Variants in GRK4 observed in about 807,000 individuals in gnomAD.
GRK4 encodes G protein-coupled receptor kinase 2-like.
In GRK4, 73 loss-of-function variants were observed where a neutral mutation model predicts 77.9. That is an observed-to-expected ratio of 0.94 (90% CI 0.78 to 1.14). GRK4 has a LOEUF of 1.14. Ranked by LOEUF, GRK4 falls within the 50% of genes most tolerant of loss-of-function variation. The probability of loss-of-function intolerance (pLI) is 0.00; values close to 1 mark genes in which losing one functional copy is unlikely to be tolerated. For synonymous variants in GRK4, 257 were observed against 254.4 expected (o/e 1.01, Z -0.10); for missense variants, 729 against 700.2 (o/e 1.04, Z -0.46).
At chr4:3,007,996 G>A (rs1163401715) in intron 6 of GRK4, among the ~76,000 whole-genome samples, 168 bp downstream of exon 6, 1 of 152,126 alleles carries the variant, frequency 6.6e-6, no homozygotes, top group Non-Finnish European at 1.5e-5. Flanking sequence ...CCTGGGCAAT[G>A]TAGCAAGACC....
chr4:3,014,667 C>T (rs886428074), intron 8 of GRK4, among the ~76,000 whole-genome samples: 3 of 151,966 alleles, frequency 2.0e-5, no homozygotes, highest in Non-Finnish European at 4.4e-5. Flanking sequence ...CCTGGTGGCG[C>T]GTGCCTGTAG....
At chr4:3,001,760 A>T (rs1301456374) in intron 4 of GRK4, among the ~76,000 whole-genome samples, 1 of 152,154 alleles carries the variant, frequency 6.6e-6, no homozygotes, top group Non-Finnish European at 1.5e-5. Context: ...TTGATTTTTT[A>T]AAATGTGAGT....
intron 3 of GRK4, 65 bp downstream of exon 3, chr4:2,988,904 G>C: frequency 9.4e-7 from 1 of 1,059,504 alleles, no homozygotes; most frequent in Non-Finnish European, 1.5e-6. Flanking sequence ...GTAAAAACTT[G>C]GCCAGGCGCA....
At chr4:3,003,912 C>T (rs546536272) in intron 4 of GRK4, among the ~76,000 whole-genome samples, 6 of 152,236 alleles carry the variant, frequency 3.9e-5, no homozygotes, top group East Asian at 1.9e-4. Flanking sequence ...TTAGTAGAGA[C>T]GGAGTTTCAC....
chr4:2,986,548 G>A (rs2471323), intron 2 of GRK4, among the ~76,000 whole-genome samples: 44,892 of 151,188 alleles, frequency 0.3, 6,907 homozygotes, highest in Non-Finnish European at 0.33. Context: ...TAGAGACTGG[G>A]TTTCACCAGG....
At chr4:2,996,728 T>C (rs1728045057) in intron 4 of GRK4, among the ~76,000 whole-genome samples, 1 of 152,034 alleles carries the variant, frequency 6.6e-6, no homozygotes, top group Non-Finnish European at 1.5e-5. Flanking sequence ...CTTTTTTTTT[T>C]TTTCTTTTCT....
At chr4:3,027,770 C>A in intron 10 of GRK4, 142 bp from the exon 11 acceptor site, 2 of 600,886 alleles carry the variant, frequency 3.3e-6, no homozygotes, top group East Asian at 3.0e-5. Flanking sequence ...AGTTAAATGC[C>A]ATTTTACGTT....
intron 1 of GRK4, among the ~76,000 whole-genome samples, chr4:2,968,630 G>C (rs1396974104): frequency 6.6e-6 from 1 of 152,114 alleles, no homozygotes; most frequent in Non-Finnish European, 1.5e-5. Flanking sequence ...TGCCATTCTG[G>C]AGACCACATT....
At chr4:3,032,723 T>A (rs1216177526) in intron 12 of GRK4, among the ~76,000 whole-genome samples, 2 of 152,238 alleles carry the variant, frequency 1.3e-5, no homozygotes, top group African/African-American at 4.8e-5. Flanking sequence ...TAGCTCTTAC[T>A]TTATAGGATT....
At chr4:3,011,657 C>T (rs553303482) in intron 7 of GRK4, among the ~76,000 whole-genome samples, 3 of 152,300 alleles carry the variant, frequency 2.0e-5, no homozygotes, top group African/African-American at 7.2e-5. Flanking sequence ...CAGAAGGAGC[C>T]CTGCTTGCCC....
chr4:3,014,035 G>C (rs1281126516), intron 8 of GRK4, among the ~76,000 whole-genome samples: 1 of 152,162 alleles, frequency 6.6e-6, no homozygotes, highest in African/African-American at 2.4e-5. Context: ...AAACATAGAA[G>C]GAGTGATACT....
chr4:3,017,063 A>G (rs1734764262), intron 8 of GRK4, among the ~76,000 whole-genome samples: 1 of 152,228 alleles, frequency 6.6e-6, no homozygotes, highest in Admixed American at 6.5e-5. Flanking sequence ...CGCCCCTCAC[A>G]GTCTGTTCTC....
intron 1 of GRK4, among the ~76,000 whole-genome samples, chr4:2,973,717 A>C (rs1193083209): frequency 6.6e-6 from 1 of 152,090 alleles, no homozygotes; most frequent in Non-Finnish European, 1.5e-5. Context: ...CACCTGGAAC[A>C]CCGTGGTCAG....
At chr4:3,021,466 C>T (rs563096891) in intron 9 of GRK4, among the ~76,000 whole-genome samples, 3 of 152,286 alleles carry the variant, frequency 2.0e-5, no homozygotes, top group East Asian at 3.9e-4. Context: ...TTCTGATGGA[C>T]CTTTGGCTTC....
intron 15 of GRK4, 159 bp downstream of exon 15, chr4:3,038,672 C>T (rs1741534854): frequency 1.5e-6 from 1 of 678,552 alleles, no homozygotes; most frequent in Non-Finnish European, 2.4e-6. Context: ...GGAGGCCAGC[C>T]AGAACAATGA....
intron 12 of GRK4, among the ~76,000 whole-genome samples, chr4:3,030,811 A>G (rs1738951692): frequency 6.6e-6 from 1 of 152,170 alleles, no homozygotes; most frequent in Non-Finnish European, 1.5e-5. Flanking sequence ...TATTGTCATC[A>G]TTGTCAAGCC....
chr4:2,967,534 G>T (rs1247784883), intron 1 of GRK4, among the ~76,000 whole-genome samples: 2 of 152,100 alleles, frequency 1.3e-5, no homozygotes, highest in Admixed American at 6.5e-5. Context: ...CCAAGTAGCT[G>T]GGACTACAGG....
At chr4:3,022,015 TACA>T (rs1560476724) in intron 9 of GRK4, among the ~76,000 whole-genome samples, 2 of 152,214 alleles carry the variant, frequency 1.3e-5, no homozygotes, top group Non-Finnish European at 2.9e-5. Context: ...TAGCTGGGAC[TACA>T]GGTACACACC....
chr4:3,001,247 A>G (rs1051435607), intron 4 of GRK4, among the ~76,000 whole-genome samples: 1 of 124,290 alleles, frequency 8.0e-6, no homozygotes, highest in East Asian at 2.1e-4. Context: ...GTATATATAT[A>G]CATATATGTA....
Sources: allele counts gnomAD v4.1 joint callset (sites outside exome capture counted in the v4.1 genomes callset), GRCh38; gene constraint gnomAD v4.1.1; transcripts MANE v1.5; gene names NCBI Gene and HGNC (gene_info 2026-07-23, HGNC 2026-07-21).